KCNJ5: variants seen among roughly 807,000 people sequenced by gnomAD.
The protein encoded by KCNJ5 is G protein-activated inward rectifier potassium channel 4.
In KCNJ5, 12 loss-of-function variants were observed where a neutral mutation model predicts 20.2. The observed-to-expected ratio is 0.59, with a 90% confidence interval of 0.38 to 0.96. KCNJ5 has a LOEUF of 0.96. Ranked by LOEUF, KCNJ5 falls within the 40% of genes least tolerant of loss-of-function variation. The pLI is 0.00. For synonymous variants in KCNJ5, 210 were observed against 213.9 expected (o/e 0.98, Z 0.16); for missense variants, 449 against 557.6 (o/e 0.81, Z 1.96).
chr11:128,903,408 C>T lies in KCNJ5; in HGVS notation c.-10-7856C>T, dbSNP rs1483848307. 2.5e-6 allele frequency: 4 copies of T among 1,614,104 alleles called. No individual in the cohort carries two copies. In the African/African-American group the frequency reaches 5.3e-5, roughly 22 times the overall value. ...CGTGGGTGTAGACGGCAGAGCTCAG[C>T]ACAGACTCACAGGTTCTGGTTACTA... On this transcript the variant is annotated intron_variant, in intron 1 of 2. Transcript: ENST00000529694.
chr11:128,906,810 C>G (rs983503218), intron 1 of KCNJ5, among the ~76,000 whole-genome samples: 2 of 152,184 alleles, frequency 1.3e-5, no homozygotes, highest in Non-Finnish European at 2.9e-5. Context: ...TTCTTCAGTT[C>G]AGCTCTGCCA....
At chr11:128,909,887 G>T (rs1162500234) in intron 1 of KCNJ5, 1 of 152,248 alleles carries the variant, frequency 6.6e-6, no homozygotes, top group Non-Finnish European at 1.5e-5. Flanking sequence ...AAGGGAGCAG[G>T]TCATCAGCCT....
At chr11:128,899,639 T>G (rs897486793) in intron 1 of KCNJ5, 5 of 152,176 alleles carry the variant, frequency 3.3e-5, no homozygotes, top group African/African-American at 1.2e-4. Context: ...GGGGTTACAA[T>G]GAAGAAAATG....
chr11:128,911,423 C>G lies in KCNJ5; in HGVS notation c.150C>G (p.Arg50=), dbSNP rs1236098620. The G allele has an allele frequency of 6.2e-7, 1 of 1,614,248 alleles. No homozygotes were observed. The highest frequency in any genetic ancestry group is 1.1e-5 in the South Asian group (1 of 91,088). ...TGCTGGCCGAGGGCAAGAAGCCACG[C>G]CAGCGCTACATGGAGAAGAGTGGCA... is the stretch of plus-strand genomic sequence containing the variant. ...TRLLAEGKKP[R]QRYMEKSGKC... Residue 50 remains arginine (R), a synonymous_variant, in exon 2 of 3, where the codon CGC becomes CGG. Coordinates refer to ENST00000529694, the MANE Select transcript of KCNJ5 (RefSeq NM_000890.5). This position sits in a 1 kb window ranked among gnomAD's most constrained non-coding sequence, Gnocchi z 6.3.
intron 1 of KCNJ5, among the ~76,000 whole-genome samples, chr11:128,896,377 C>T (rs921104268): frequency 1.8e-4 from 28 of 152,156 alleles, no homozygotes; most frequent in Non-Finnish European, 3.4e-4. Context: ...AATAAGAAAA[C>T]AACATTTCCA....
intron 1 of KCNJ5, among the ~76,000 whole-genome samples, chr11:128,904,965 A>G (rs1204307369): frequency 6.6e-6 from 1 of 152,216 alleles, no homozygotes; most frequent in East Asian, 1.9e-4. Context: ...GTTTTTAAAG[A>G]TTTATTACCA....
In KCNJ5 at chr11:128,912,113, C is replaced by G; in HGVS notation, c.840C>G (p.Ile280Met). ...LVSPLIISHE[I>M]NQKSPFWEMS... ...CTCCTCTGATCATCTCCCATGAGAT[C>G]AACCAGAAGAGCCCTTTCTGGGAGA... The change falls in exon 2 of 3, where the codon ATC becomes ATG. Residue 280 changes from isoleucine (I) to methionine (M), a missense_variant. Ile to Met is a conservative substitution (Grantham distance 10). This residue lies in a region of KCNJ5 where 145 missense variants were observed against 166.2 expected (regional missense o/e 0.87). Transcript: ENST00000529694. 1 of 1,613,622 alleles carries G rather than the reference C, an allele frequency of 6.2e-7. No homozygotes were observed. Among genetic ancestry groups the G allele is most frequent in the Non-Finnish European group, 8.5e-7 (1 of 1,179,990 alleles).
chr11:128,898,610 T>C (rs1487681378), intron 1 of KCNJ5, among the ~76,000 whole-genome samples: 1 of 152,250 alleles, frequency 6.6e-6, no homozygotes, highest in Non-Finnish European at 1.5e-5. Context: ...CTTCACTTTG[T>C]CTTTCCTTTT....
chr11:128,916,611 C>T lies in KCNJ5; in HGVS notation c.1140C>T (p.Leu380=). The part of the protein sequence containing the change: ...MKREGRLLQY[L]PSPPLLGGCA... Reference sequence around the variant, plus strand: ...GGGAAGGCCGGCTCCTCCAGTACCTCCCCAGCCCCCCACTGCTGGGGGGCT... The same window carrying T: ...GGGAAGGCCGGCTCCTCCAGTACCTTCCCAGCCCCCCACTGCTGGGGGGCT... The change falls in exon 3 of 3, where the codon CTC becomes CTT. Residue 380 remains leucine (L), a synonymous_variant. Transcript: ENST00000529694. 1.9e-6 allele frequency: 3 copies of T among 1,614,024 alleles called. No individual in the cohort carries two copies. The highest frequency in any genetic ancestry group is 2.5e-6 in the Non-Finnish European group (3 of 1,179,928).
chr11:128,904,614 A>G (rs763923809), intron 1 of KCNJ5: 1 of 777,494 alleles, frequency 1.3e-6, no homozygotes, highest in Non-Finnish European at 2.4e-6. Context: ...CCCCAGACCT[A>G]CAGAATCAGA....
At chr11:128,908,868 C>G (rs1377917061) in intron 1 of KCNJ5, among the ~76,000 whole-genome samples, 1 of 152,172 alleles carries the variant, frequency 6.6e-6, no homozygotes, top group African/African-American at 2.4e-5. Flanking sequence ...GGCCTCGGGA[C>G]AGCAGCATTT....
chr11:128,916,285 G>C, intron 2 of KCNJ5, 124 bp from the exon 3 acceptor site: 1 of 741,862 alleles, frequency 1.3e-6, no homozygotes, highest in Non-Finnish European at 2.3e-6. Flanking sequence ...TGGATGAACA[G>C]ATGACTGGAT....
chr11:128,917,445 T>C lies in KCNJ5; in HGVS notation c.*714T>C, dbSNP rs1944601724. 1 of 152,418 alleles carries C rather than the reference T, an allele frequency of 6.6e-6. No homozygotes were observed. Among genetic ancestry groups the C allele is most frequent in the Non-Finnish European group, 1.5e-5 (1 of 68,216 alleles). The allele number at this position is 152,418 out of a possible 1,614,324, so 9.4% of individuals were successfully genotyped here. On this transcript the variant is annotated 3_prime_UTR_variant, in exon 3 of 3. Coordinates refer to ENST00000529694, the MANE Select transcript of KCNJ5 (RefSeq NM_000890.5). ...TAGACAGCCCCTCTGAGCACATGCATAGTGGCATCAGCAGCTTCCTGGCCT... is the reference window on the plus strand; with the variant it reads ...TAGACAGCCCCTCTGAGCACATGCACAGTGGCATCAGCAGCTTCCTGGCCT...
chr11:128,911,622 G>A lies in KCNJ5; in HGVS notation c.349G>A (p.Asp117Asn), dbSNP rs1488531959. Residue 117 changes from aspartate to asparagine, a missense_variant, in exon 2 of 3, where the codon GAC becomes AAC. Physicochemically the swap from Asp to Asn is conservative, Grantham distance 23. This residue lies in a region of KCNJ5 where 203 missense variants were observed against 258.0 expected (regional missense o/e 0.79). Coordinates refer to ENST00000529694, the MANE Select transcript of KCNJ5 (RefSeq NM_000890.5). This position sits in a 1 kb window ranked among gnomAD's most constrained non-coding sequence, Gnocchi z 6.3. The part of the protein sequence containing the change: ...IWWLIAYIRG[D>N]LDHVGDQEWI... ...GTGGCTCATTGCTTATATCCGGGGT[G>A]ACCTGGACCATGTTGGCGACCAAGA... 1.2e-6 allele frequency: 2 copies of A among 1,614,072 alleles called. No individual in the cohort carries two copies. Among genetic ancestry groups the A allele is most frequent in the Non-Finnish European group, 1.7e-6 (2 of 1,180,030 alleles).
rs368032097 is a variant in KCNJ5, at chr11:128,892,105, T to TG, written c.-11+390dup. ...CAAATGGGAGCAGGGAGGGCCAGGA[T>TG]GGGGGGCGGTGCCCCCCTCAGCCTT... is the stretch of plus-strand genomic sequence containing the variant. On this transcript the variant is annotated intron_variant, in intron 1 of 2. Transcript: ENST00000529694. 2.1e-3 allele frequency among the ~76,000 whole-genome samples: 314 copies of TG among 152,318 alleles called. 1 individual carries two copies. The highest frequency in any genetic ancestry group is 6.6e-3 in the South Asian group (32 of 4,822).
At chr11:128,903,327 T>C (rs1442632987) in intron 1 of KCNJ5, 2 of 1,611,016 alleles carry the variant, frequency 1.2e-6, no homozygotes, top group Non-Finnish European at 1.7e-6. Flanking sequence ...ATGTAGAGTG[T>C]GTCTGTGTTG....
At chr11:128,904,349 A>AT (rs35311412) in intron 1 of KCNJ5, 254 of 1,574,316 alleles carry the variant, frequency 1.6e-4, no homozygotes, top group South Asian at 4.1e-4. Context: ...TACTGCACTG[A>AT]TTTTTTTTGC....
intron 1 of KCNJ5, among the ~76,000 whole-genome samples, chr11:128,894,967 G>A (rs1490020674): frequency 6.6e-6 from 1 of 152,182 alleles, no homozygotes; most frequent in Non-Finnish European, 1.5e-5. Context: ...TATCGTTCCA[G>A]GCCAGAGCAA....
At chr11:128,892,657 T>C (rs1944113005) in intron 1 of KCNJ5, among the ~76,000 whole-genome samples, 1 of 152,230 alleles carries the variant, frequency 6.6e-6, no homozygotes, top group Admixed American at 6.5e-5. Flanking sequence ...GGCTGTGCAA[T>C]TTGCCTCAGG....
Sources: gnomAD v4.1 joint callset for allele counts (sites outside exome capture counted in the v4.1 genomes callset) on GRCh38, gnomAD v4.1.1 for gene constraint, gnomAD v4.1.1 regional missense constraint, Gnocchi (gnomAD v3.1) non-coding constraint, MANE v1.5 for transcripts, NCBI Gene and HGNC (gene_info 2026-07-23, HGNC 2026-07-21) for gene names.